Variants in DOK5 observed in about 807,000 individuals in gnomAD.
DOK5 encodes the protein downstream of tyrosine kinase 5.
Under a neutral mutation model 43.3 loss-of-function variants are expected in DOK5, and 27 were observed. The ratio of observed to expected loss-of-function variants is 0.62; its 90% confidence interval spans 0.46 to 0.86. The LOEUF (loss-of-function observed/expected upper bound fraction) is 0.86. Ranked by LOEUF, DOK5 falls within the 40% of genes least tolerant of loss-of-function variation. The probability of loss-of-function intolerance (pLI) is 0.00; values close to 1 mark genes in which losing one functional copy is unlikely to be tolerated. For synonymous variants in DOK5, 146 were observed against 140.1 expected (o/e 1.04, Z -0.30); for missense variants, 373 against 392.9 (o/e 0.95, Z 0.43).
chr20:54,645,864 T>G lies in DOK5; in HGVS notation c.856+2286T>G, dbSNP rs988159859. 5.4e-5 allele frequency among the ~76,000 whole-genome samples: 8 copies of G among 149,044 alleles called. No individual in the cohort carries two copies. The South Asian group carries it at 6.3e-4, about 12-fold the overall frequency. On this transcript the variant is annotated intron_variant, in intron 7 of 7. Coordinates refer to ENST00000262593, the MANE Select transcript of DOK5 (RefSeq NM_018431.5). ...AGAAAGCACTGGGGGTATTTACATT[T>G]TAGTTTTCATGACTCTGTGCTCTGT...
At chr20:54,516,185 G>A (rs1983191054) in intron 1 of DOK5, among the ~76,000 whole-genome samples, 1 of 152,186 alleles carries the variant, frequency 6.6e-6, no homozygotes, top group Non-Finnish European at 1.5e-5. Context: ...TCCAGTTATA[G>A]TGGGAAGAGA....
At chr20:54,495,503 T>C (rs1982357821) in intron 1 of DOK5, among the ~76,000 whole-genome samples, 1 of 152,218 alleles carries the variant, frequency 6.6e-6, no homozygotes, top group African/African-American at 2.4e-5. Context: ...GTCAATTTCA[T>C]TGGGCAGCTA....
chr20:54,628,325 C>T (rs954328827), intron 6 of DOK5, among the ~76,000 whole-genome samples: 4 of 132,380 alleles, frequency 3.0e-5, no homozygotes, highest in South Asian at 2.6e-4. Flanking sequence ...AGGAGAATGG[C>T]GTGAACCCGG....
intron 4 of DOK5, among the ~76,000 whole-genome samples, chr20:54,589,406 C>A (rs1350355172): frequency 1.3e-5 from 2 of 152,138 alleles, no homozygotes. Context: ...TAAAAAAATA[C>A]ATATTTTATT....
At chr20:54,609,073 T>C (rs950490108) in intron 5 of DOK5, among the ~76,000 whole-genome samples, 3 of 152,200 alleles carry the variant, frequency 2.0e-5, no homozygotes, top group Non-Finnish European at 4.4e-5. Context: ...ATGCCATATG[T>C]ATAGAAGGCT....
intron 2 of DOK5, among the ~76,000 whole-genome samples, chr20:54,558,724 A>T (rs961274508): frequency 5.3e-5 from 8 of 152,200 alleles, no homozygotes; most frequent in African/African-American, 1.9e-4. Context: ...GGTGTGGTGG[A>T]TGCAGACATA....
chr20:54,543,639 C>A (rs6098063), intron 1 of DOK5, among the ~76,000 whole-genome samples: 3,652 of 151,454 alleles, frequency 0.024, 141 homozygotes, highest in African/African-American at 0.084. Context: ...GAGAGGATTA[C>A]GTATAGCTCA....
At chr20:54,493,499 T>G (rs989313168) in intron 1 of DOK5, among the ~76,000 whole-genome samples, 23 of 152,158 alleles carry the variant, frequency 1.5e-4, no homozygotes, top group African/African-American at 5.3e-4. Context: ...ATGGTAGGGG[T>G]AGCCACATGC....
intron 1 of DOK5, among the ~76,000 whole-genome samples, chr20:54,491,123 A>C (rs1982156532): frequency 1.3e-5 from 2 of 152,154 alleles, no homozygotes; most frequent in Admixed American, 6.5e-5. Flanking sequence ...TTTTAATTGC[A>C]TGCAGAATCA....
chr20:54,500,148 A>G (rs2146677206), intron 1 of DOK5, among the ~76,000 whole-genome samples: 1 of 152,334 alleles, frequency 6.6e-6, no homozygotes, highest in South Asian at 2.1e-4. Flanking sequence ...AACTAAAGTG[A>G]ATGCCATACA....
At chr20:54,502,360 T>C (rs970414005) in intron 1 of DOK5, among the ~76,000 whole-genome samples, 14 of 152,116 alleles carry the variant, frequency 9.2e-5, no homozygotes, top group African/African-American at 3.4e-4. Context: ...AACCAGAAAA[T>C]AGATGAATGG....
chr20:54,522,422 C>G (rs1223590573), intron 1 of DOK5, among the ~76,000 whole-genome samples: 1 of 151,992 alleles, frequency 6.6e-6, no homozygotes, highest in Non-Finnish European at 1.5e-5. Context: ...TGGAGGAAGA[C>G]CATAGGTAGA....
chr20:54,502,537 A>C (rs73274994), intron 1 of DOK5, among the ~76,000 whole-genome samples: 9,168 of 152,174 alleles, frequency 0.06, 940 homozygotes, highest in African/African-American at 0.21. Context: ...AGAGCCACCA[A>C]TTCTCCTCAA....
chr20:54,628,063 A>G (rs1034885350), intron 6 of DOK5, among the ~76,000 whole-genome samples: 5 of 152,196 alleles, frequency 3.3e-5, no homozygotes, highest in African/African-American at 1.2e-4. Context: ...GAACAGAGTC[A>G]ATTCAGGCAT....
At chr20:54,623,632 TAC>T (rs1001409455) in intron 6 of DOK5, among the ~76,000 whole-genome samples, 1 of 152,086 alleles carries the variant, frequency 6.6e-6, no homozygotes, top group Non-Finnish European at 1.5e-5. Context: ...CAGGCTGGAG[TAC>T]AGTGGTGCAA....
intron 1 of DOK5, among the ~76,000 whole-genome samples, chr20:54,526,108 AG>A (rs1457012455): frequency 6.6e-6 from 1 of 151,294 alleles, no homozygotes; most frequent in Non-Finnish European, 1.5e-5. Flanking sequence ...TCTCTGGCCC[AG>A]AAGCCTGCGT....
intron 1 of DOK5, among the ~76,000 whole-genome samples, chr20:54,542,353 C>T (rs1034902364): frequency 1.3e-5 from 2 of 152,164 alleles, no homozygotes; most frequent in African/African-American, 4.8e-5. Flanking sequence ...GATTTTCTGG[C>T]ATTTCTTTAG....
At chr20:54,561,430 G>A (rs1026427565) in intron 2 of DOK5, among the ~76,000 whole-genome samples, 2 of 152,140 alleles carry the variant, frequency 1.3e-5, no homozygotes, top group South Asian at 2.1e-4. Flanking sequence ...ACCCTTCTTC[G>A]TCTCTTGTTC....
intron 1 of DOK5, among the ~76,000 whole-genome samples, chr20:54,551,027 T>A (rs1984512132): frequency 6.6e-6 from 1 of 152,192 alleles, no homozygotes; most frequent in Non-Finnish European, 1.5e-5. Context: ...TATGTATGAG[T>A]CATCCAATTT....
Sources: gnomAD v4.1 joint callset for allele counts (sites outside exome capture counted in the v4.1 genomes callset) on GRCh38, gnomAD v4.1.1 for gene constraint, MANE v1.5 for transcripts, NCBI Gene and HGNC (gene_info 2026-07-23, HGNC 2026-07-21) for gene names.